Variants in UPP1 observed in about 807,000 individuals in gnomAD.
The protein encoded by UPP1 is uridine phosphorylase 1, also known as UPase 1.
UPP1 carries 25 observed loss-of-function variants against 29.6 expected under a neutral mutation model. The ratio of observed to expected loss-of-function variants is 0.85; its 90% CI spans 0.62 to 1.18. UPP1 has a LOEUF of 1.18. Among genes scored for constraint, UPP1 ranks in the 50% most tolerant of loss-of-function variants. The pLI, the probability that UPP1 is intolerant of heterozygous loss-of-function variation, is 0.00. For missense variants in UPP1, 368 were observed against 410.4 expected (o/e 0.90, Z 0.89); for synonymous variants, 165 against 159.8 (o/e 1.03, Z -0.25).
intron 2 of UPP1, among the ~76,000 whole-genome samples, chr7:48,094,147 G>T (rs7798472): frequency 6.6e-6 from 1 of 152,130 alleles, no homozygotes; most frequent in South Asian, 2.1e-4. Context: ...GTGACAGAGC[G>T]AGACTGTCTC....
chr7:48,094,848 A>G (rs1562649740), intron 3 of UPP1, 21 bp downstream of exon 3: 1 of 1,290,132 alleles, frequency 7.8e-7, no homozygotes, highest in East Asian at 3.0e-5. Flanking sequence ...ATTTCATTCC[A>G]GGTTGGGTTG....
At chr7:48,098,769 T>A (rs1024756443) in intron 3 of UPP1, among the ~76,000 whole-genome samples, 1 of 152,190 alleles carries the variant, frequency 6.6e-6, no homozygotes, top group African/African-American at 2.4e-5. Flanking sequence ...CAGCATCCCA[T>A]GTCTGCCTCT....
Position 48,108,196 on chromosome 7 carries a change from A to G in UPP1, c.794-22A>G, listed in dbSNP as rs766746168. On this transcript the variant is annotated intron_variant, in intron 8 of 8. Coordinates refer to ENST00000395564, the MANE Select transcript of UPP1 (RefSeq NM_003364.4). ...GTTAGACCCCCGGCACCTTGCCTTGATGTGGTCTTTGTCCTTTGCAGCGGC... is the reference window on the plus strand; with the variant it reads ...GTTAGACCCCCGGCACCTTGCCTTGGTGTGGTCTTTGTCCTTTGCAGCGGC... The G allele has an allele frequency of 4.4e-6, 7 of 1,605,444 alleles. No individual in the cohort carries two copies. In the East Asian group the frequency reaches 1.6e-4, roughly 36 times the overall value.
At chr7:48,106,631 C>A (rs993111446) in intron 6 of UPP1, 11 of 463,786 alleles carry the variant, frequency 2.4e-5, no homozygotes, top group Non-Finnish European at 4.4e-5. Flanking sequence ...GTTTTTTGTG[C>A]CTTTCTCTTC....
chr7:48,102,057 G>C (rs1792458054), intron 5 of UPP1, 75 bp downstream of exon 5: 1 of 1,513,222 alleles, frequency 6.6e-7, no homozygotes, highest in African/African-American at 1.4e-5. Flanking sequence ...TGCACACACA[G>C]ACAGCTGGTC....
intron 3 of UPP1, among the ~76,000 whole-genome samples, chr7:48,095,843 C>T (rs1792101641): frequency 6.6e-6 from 1 of 152,112 alleles, no homozygotes; most frequent in Non-Finnish European, 1.5e-5. Flanking sequence ...GATGGGGTTT[C>T]ACCATGTTGG....
At position 48,101,972 on chromosome 7, in the gene UPP1, T is replaced by C. The variant is rs367951956; in HGVS notation, c.311T>C (p.Leu104Pro). Reference sequence around the variant, plus strand: ...GCCATGTATAAAGTAGGACCGGTGCTGTCTGTCAGTGTGAGTACCTGCCTT... The same window carrying C: ...GCCATGTATAAAGTAGGACCGGTGCCGTCTGTCAGTGTGAGTACCTGCCTT... ...RYAMYKVGPV[L>P]SVSHGMGIPS... is the part of the protein sequence containing the mutation. The change falls in exon 5 of 9, where the codon CTG (leucine) becomes CCG (proline). Residue 104 changes from leucine (L) to proline (P), a missense_variant. Leu to Pro is a moderately conservative substitution (Grantham distance 98, BLOSUM62 -3). Transcript: ENST00000395564. 67 of 1,613,476 alleles carry C rather than the reference T, an allele frequency of 4.2e-5. No homozygotes were observed. Among genetic ancestry groups the C allele is most frequent in the Admixed American group, 2.7e-4 (16 of 59,930 alleles).
In UPP1 at chr7:48,108,424, C is replaced by A; in HGVS notation, c.*67C>A. 1 of 1,544,548 alleles carries A rather than the reference C, an allele frequency of 6.5e-7. No homozygotes were observed. The highest frequency in any genetic ancestry group is 8.8e-7 in the Non-Finnish European group (1 of 1,135,478). On this transcript the variant is annotated 3_prime_UTR_variant, in exon 9 of 9. Transcript: ENST00000395564. ...CATTAAAAGCATTGTCCAAAATCCCCTGTTGTGTGGACTTTGAGCACACTT... is the reference window on the plus strand; with the variant it reads ...CATTAAAAGCATTGTCCAAAATCCCATGTTGTGTGGACTTTGAGCACACTT...
intron 7 of UPP1, 39 bp from the exon 8 acceptor site, chr7:48,107,322 C>A: frequency 6.3e-7 from 1 of 1,583,508 alleles, no homozygotes; most frequent in Non-Finnish European, 8.6e-7. Context: ...AGGAGCTTCT[C>A]ACATGCATGT....
At chr7:48,090,585 T>C (rs1274729143) in intron 2 of UPP1, among the ~76,000 whole-genome samples, 1 of 152,222 alleles carries the variant, frequency 6.6e-6, no homozygotes, top group Non-Finnish European at 1.5e-5. Flanking sequence ...ATTGGTTCCA[T>C]TCATTGGCTG....
chr7:48,091,003 A>G (rs1490496831), intron 2 of UPP1, among the ~76,000 whole-genome samples: 1 of 152,218 alleles, frequency 6.6e-6, no homozygotes, highest in African/African-American at 2.4e-5. Flanking sequence ...TGATCTTAAA[A>G]TTAACGCAAA....
chr7:48,104,830 T>C (rs1405758256), intron 6 of UPP1: 1 of 152,244 alleles, frequency 6.6e-6, no homozygotes, highest in Admixed American at 6.5e-5. Context: ...TGCCAGGAAC[T>C]CTAGTGAATG....
chr7:48,100,330 C>CA (rs1461466012), intron 4 of UPP1, among the ~76,000 whole-genome samples: 2 of 151,938 alleles, frequency 1.3e-5, no homozygotes, highest in African/African-American at 4.8e-5. Flanking sequence ...CCTTGCTTAC[C>CA]AAAACATCGT....
intron 3 of UPP1, among the ~76,000 whole-genome samples, chr7:48,098,292 A>G (rs980366107): frequency 6.6e-6 from 1 of 152,226 alleles, no homozygotes; most frequent in Non-Finnish European, 1.5e-5. Context: ...GGAAGCAGTC[A>G]GGTATAGGCC....
intron 3 of UPP1, among the ~76,000 whole-genome samples, chr7:48,096,354 G>C (rs939566410): frequency 3.3e-5 from 5 of 152,186 alleles, no homozygotes; most frequent in Non-Finnish European, 5.9e-5. Flanking sequence ...TTTATACTGA[G>C]AGTATTAAAT....
chr7:48,103,179 AT>A (rs1562656046), intron 5 of UPP1, 117 bp from the exon 6 acceptor site: 2 of 706,886 alleles, frequency 2.8e-6, no homozygotes. Context: ...TAAAAAGTTT[AT>A]CTTTCATCAC....
At chr7:48,102,403 C>T (rs544846522) in intron 5 of UPP1, among the ~76,000 whole-genome samples, 1 of 152,164 alleles carries the variant, frequency 6.6e-6, no homozygotes, top group South Asian at 2.1e-4. Context: ...GCATGGTGAA[C>T]ACAGAAATCT....
chr7:48,095,228 A>T (rs984191628), intron 3 of UPP1, among the ~76,000 whole-genome samples: 2 of 152,242 alleles, frequency 1.3e-5, no homozygotes, highest in Non-Finnish European at 2.9e-5. Flanking sequence ...TATGCTTGGC[A>T]TGACACCACT....
At chr7:48,097,897 G>T (rs1017727457) in intron 3 of UPP1, among the ~76,000 whole-genome samples, 11 of 152,226 alleles carry the variant, frequency 7.2e-5, no homozygotes, top group Non-Finnish European at 1.6e-4. Context: ...ACGTGATTCT[G>T]GATTTGGTCG....
Sources: gnomAD v4.1 joint callset for allele counts (sites outside exome capture counted in the v4.1 genomes callset) on GRCh38, gnomAD v4.1.1 for gene constraint, MANE v1.5 for transcripts, NCBI Gene and HGNC (gene_info 2026-07-23, HGNC 2026-07-21) for gene names.